Variants in CCNY observed in about 807,000 individuals in gnomAD.
The protein encoded by CCNY is cyclin Y, also known as cyclin-Y.
In CCNY, 19 loss-of-function variants were observed where a neutral mutation model predicts 42.8. The observed-to-expected ratio is 0.44, with a 90% CI of 0.31 to 0.65. The LOEUF (loss-of-function observed/expected upper bound fraction) is 0.65, where lower values mean the gene tolerates loss of function less well. Among genes scored for constraint, CCNY ranks in the 30% least tolerant of loss-of-function variants. CCNY has a pLI of 0.07. For synonymous variants in CCNY, 165 were observed against 162.7 expected, an observed-to-expected ratio of 1.01 and a Z score of -0.11; for missense variants, 370 against 437.3, an observed-to-expected ratio of 0.85 and a Z score of 1.37.
chr10:35,507,277 G>A (rs1840233954), intron 3 of CCNY, among the ~76,000 whole-genome samples: 1 of 151,998 alleles, frequency 6.6e-6, no homozygotes, highest in African/African-American at 2.4e-5. Context: ...ATATGTGTGT[G>A]TATATATATG....
At chr10:35,367,233 CTACTT>C (rs1836828747) in intron 1 of CCNY, among the ~76,000 whole-genome samples, 1 of 152,082 alleles carries the variant, frequency 6.6e-6, no homozygotes, top group African/African-American at 2.4e-5. Context: ...ATTTTATAGA[CTACTT>C]TATGACTTTA....
intron 4 of CCNY, among the ~76,000 whole-genome samples, chr10:35,522,889 C>G (rs1049862231): frequency 6.6e-6 from 1 of 152,188 alleles, no homozygotes; most frequent in Admixed American, 6.5e-5. Context: ...ACCGGTGAGG[C>G]CCCCAGTGGA....
intron 1 of CCNY, among the ~76,000 whole-genome samples, chr10:35,350,658 TTTGAAGGGGAGAAAAACCC>T (rs1259390162): frequency 5.3e-5 from 8 of 152,270 alleles, no homozygotes; most frequent in Admixed American, 5.2e-4. Flanking sequence ...AGTGGAAAAC[TTTGAAGGGGAGAAAAACCC>T]TTGGTTTGTT....
chr10:35,313,131 C>CACAT (rs1478349329), intron 3 of CCNY, among the ~76,000 whole-genome samples: 2 of 152,078 alleles, frequency 1.3e-5, no homozygotes, highest in Non-Finnish European at 2.9e-5. Flanking sequence ...TGATCCCTTT[C>CACAT]ACATGATCCT....
intron 1 of CCNY, among the ~76,000 whole-genome samples, chr10:35,391,852 G>A (rs1345536037): frequency 4.6e-5 from 7 of 152,018 alleles, no homozygotes; most frequent in African/African-American, 7.3e-5. Flanking sequence ...CTCTGCTACC[G>A]TTCCTCTTCT....
rs966101878 is a variant in CCNY at position 35,469,598 on chromosome 10, A to C, written c.155-13806A>C. Among the ~76,000 whole-genome samples the C allele has an allele frequency of 1.1e-4, 17 of 151,702 alleles. No homozygotes were observed. The South Asian group carries it at 2.1e-3, about 19-fold the overall frequency. ...CAGACAGGGAGATGGAGAGACAGAC[A>C]GACAGGGCAGTGGAGAGACAGATAG... is the stretch of plus-strand genomic sequence containing the variant. On this transcript the variant is annotated intron_variant, in intron 1 of 9. Transcript: ENST00000374704.
At chr10:35,492,381 T>C (rs923715386) in intron 2 of CCNY, among the ~76,000 whole-genome samples, 3 of 152,242 alleles carry the variant, frequency 2.0e-5, no homozygotes, top group Non-Finnish European at 4.4e-5. Flanking sequence ...TTCCATTGAT[T>C]GTGATAGACA....
intron 1 of CCNY, among the ~76,000 whole-genome samples, chr10:35,439,878 A>G (rs1313554501): frequency 6.6e-6 from 1 of 152,030 alleles, no homozygotes; most frequent in Admixed American, 6.6e-5. Context: ...CACTGAGGGG[A>G]TGTGGCTGGG....
chr10:35,398,533 C>CA (rs1837573921), intron 1 of CCNY, among the ~76,000 whole-genome samples: 1 of 151,998 alleles, frequency 6.6e-6, no homozygotes, highest in African/African-American at 2.4e-5. Flanking sequence ...CTGCTGGGAC[C>CA]AACAGCTGTG....
chr10:35,324,505 G>C (rs991057554), intron 3 of CCNY, among the ~76,000 whole-genome samples: 16 of 152,134 alleles, frequency 1.1e-4, no homozygotes, highest in African/African-American at 3.6e-4. Context: ...AAATTACACC[G>C]ACAAATACGT....
At chr10:35,339,229 T>A (rs1836120619) in intron 1 of CCNY, among the ~76,000 whole-genome samples, 1 of 152,212 alleles carries the variant, frequency 6.6e-6, no homozygotes, top group Non-Finnish European at 1.5e-5. Context: ...TGGTTTCAGT[T>A]AAACCAGAAA....
chr10:35,370,276 C>T (rs371971476), intron 1 of CCNY, among the ~76,000 whole-genome samples: 7 of 152,012 alleles, frequency 4.6e-5, no homozygotes, highest in East Asian at 1.9e-4. Flanking sequence ...CTCAGCCTCC[C>T]GAGTAGCTGG....
chr10:35,556,330 C>G (rs1429364314), intron 8 of CCNY, among the ~76,000 whole-genome samples: 2 of 152,206 alleles, frequency 1.3e-5, no homozygotes, highest in Non-Finnish European at 2.9e-5. Flanking sequence ...AGCTCAGGTG[C>G]CTTGTGCTCC....
Position 35,562,155 on chromosome 10 carries a change from C to A in CCNY, c.747-3868C>A, listed in dbSNP as rs2024933. Among the ~76,000 whole-genome samples, 94 of 152,270 alleles carry A rather than the reference C, an allele frequency of 6.2e-4. No homozygotes were observed. In the South Asian group the frequency reaches 0.017, roughly 27 times the overall value. On this transcript the variant is annotated intron_variant, in intron 8 of 9. Transcript: ENST00000374704. ...TCTTGTTTTTGTTTTGCACTGTTCCCGTAAATGTCATTTTCATGTGTAGAC... is the reference window on the plus strand; with the variant it reads ...TCTTGTTTTTGTTTTGCACTGTTCCAGTAAATGTCATTTTCATGTGTAGAC...
chr10:35,549,204 A>G (rs1462299659), intron 7 of CCNY, among the ~76,000 whole-genome samples: 1 of 150,184 alleles, frequency 6.7e-6, no homozygotes, highest in Non-Finnish European at 1.5e-5. Flanking sequence ...GGGGCTTCAC[A>G]ACTGCACCTG....
At chr10:35,262,777 A>G (rs1421257180) in intron 3 of CCNY, among the ~76,000 whole-genome samples, 1 of 152,150 alleles carries the variant, frequency 6.6e-6, no homozygotes, top group African/African-American at 2.4e-5. Context: ...AAGCATCTTG[A>G]AGAAACATTA....
intron 1 of CCNY, among the ~76,000 whole-genome samples, chr10:35,366,340 T>C (rs1589064800): frequency 6.6e-6 from 1 of 152,228 alleles, no homozygotes; most frequent in Non-Finnish European, 1.5e-5. Flanking sequence ...GACTTTCTAA[T>C]TCTGAGTTGA....
intron 3 of CCNY, among the ~76,000 whole-genome samples, chr10:35,512,928 G>A (rs892000610): frequency 1.2e-4 from 18 of 152,146 alleles, no homozygotes; most frequent in African/African-American, 4.1e-4. Flanking sequence ...ATCATCCTGC[G>A]CTTTGATCGT....
intron 1 of CCNY, among the ~76,000 whole-genome samples, chr10:35,339,841 T>G (rs1205624418): frequency 1.3e-5 from 2 of 152,246 alleles, no homozygotes; most frequent in African/African-American, 2.4e-5. Flanking sequence ...TTGCTCAGTT[T>G]ATCTTAGTGT....
Sources: allele counts gnomAD v4.1 joint callset (sites outside exome capture counted in the v4.1 genomes callset), GRCh38; gene constraint gnomAD v4.1.1; transcripts MANE v1.5; gene names NCBI Gene and HGNC (gene_info 2026-07-23, HGNC 2026-07-21).